Variants in CSMD1 observed in about 807,000 individuals in gnomAD.
CSMD1 encodes CUB and sushi domain-containing protein 1.
CSMD1 carries 213 observed loss-of-function variants against 417.5 expected under a neutral mutation model. The ratio of observed to expected loss-of-function variants is 0.51; its 90% confidence interval spans 0.46 to 0.57. CSMD1 has a LOEUF of 0.57. Among genes scored for constraint, CSMD1 ranks in the 20% least tolerant of loss-of-function variants. The pLI, the probability that CSMD1 is intolerant of heterozygous loss-of-function variation, is 0.00. For synonymous variants in CSMD1, 2,862 were observed against 1,736.8 expected, an observed-to-expected ratio of 1.65 and a Z score of -16.11; for missense variants, 6,923 against 4,529.7, an observed-to-expected ratio of 1.53 and a Z score of -15.17.
At position 4,419,946 on chromosome 8, in the gene CSMD1, C is replaced by A; in HGVS notation, c.415+7G>T. On this transcript the variant is annotated splice_region_variant and intron_variant, in intron 3 of 69. Transcript: ENST00000635120. ...AATGCATGTGCAAAACACAACCAAT[C>A]TCCTACCTTCATATAATGCTTTGAA... 6.5e-7 allele frequency: 1 copy of A among 1,545,206 alleles called. No individual in the cohort carries two copies. The highest frequency in any genetic ancestry group is 1.4e-5 in the African/African-American group (1 of 73,546).
chr8:4,198,623 A>T (rs779117), intron 3 of CSMD1, among the ~76,000 whole-genome samples: 1 of 152,142 alleles, frequency 6.6e-6, no homozygotes, highest in Non-Finnish European at 1.5e-5. Context: ...AAGCATATAG[A>T]TCGATGGATA....
chr8:3,037,272 C>G (rs1810749357), intron 50 of CSMD1, among the ~76,000 whole-genome samples: 1 of 150,100 alleles, frequency 6.7e-6, no homozygotes, highest in African/African-American at 2.4e-5. Context: ...GTGGCGGGAT[C>G]TCGGCTCACT....
At chr8:4,602,824 T>C (rs985811844) in intron 2 of CSMD1, among the ~76,000 whole-genome samples, 1 of 152,094 alleles carries the variant, frequency 6.6e-6, no homozygotes, top group Non-Finnish European at 1.5e-5. Context: ...GTAAGCTGAC[T>C]TTATCCTGTA....
intron 2 of CSMD1, among the ~76,000 whole-genome samples, chr8:4,425,533 A>T (rs142595681): frequency 7.9e-5 from 12 of 152,238 alleles, no homozygotes; most frequent in Admixed American, 1.3e-4. Context: ...AAGGAATCTT[A>T]TAAGGAGCTG....
At chr8:4,194,562 A>T (rs1799220322) in intron 3 of CSMD1, among the ~76,000 whole-genome samples, 1 of 152,190 alleles carries the variant, frequency 6.6e-6, no homozygotes, top group South Asian at 2.1e-4. Flanking sequence ...AACAGCAAAT[A>T]AAAAGTACGC....
At chr8:3,609,236 A>T (rs992042695) in intron 8 of CSMD1, among the ~76,000 whole-genome samples, 2 of 152,208 alleles carry the variant, frequency 1.3e-5, no homozygotes, top group African/African-American at 4.8e-5. Flanking sequence ...GTTAGCACAG[A>T]AAGACAGATG....
At chr8:4,001,610 C>G (rs761909112) in intron 4 of CSMD1, among the ~76,000 whole-genome samples, 1 of 152,140 alleles carries the variant, frequency 6.6e-6, no homozygotes, top group Non-Finnish European at 1.5e-5. Context: ...CAATGTTATG[C>G]CCCTGTCTAA....
At chr8:3,292,334 C>A (rs925362390) in intron 25 of CSMD1, among the ~76,000 whole-genome samples, 1 of 152,058 alleles carries the variant, frequency 6.6e-6, no homozygotes, top group African/African-American at 2.4e-5. Flanking sequence ...CTGTAGATGT[C>A]TATTAGGTCC....
chr8:3,871,455 C>G (rs1805475529), intron 5 of CSMD1, among the ~76,000 whole-genome samples: 1 of 151,936 alleles, frequency 6.6e-6, no homozygotes, highest in Non-Finnish European at 1.5e-5. Flanking sequence ...TTGCATTATT[C>G]TAAATTACTA....
intron 51 of CSMD1, among the ~76,000 whole-genome samples, chr8:3,022,707 A>C (rs1009989596): frequency 6.6e-6 from 1 of 151,578 alleles, no homozygotes; most frequent in Non-Finnish European, 1.5e-5. Context: ...CTAAATGAAC[A>C]TGCAGACCTC....
chr8:4,009,631 A>C (rs1816391110), intron 4 of CSMD1, among the ~76,000 whole-genome samples: 1 of 152,184 alleles, frequency 6.6e-6, no homozygotes, highest in Admixed American at 6.5e-5. Flanking sequence ...GGAAAGAAAT[A>C]AGAAATACAC....
At chr8:2,957,348 T>C (rs987212314) in intron 63 of CSMD1, among the ~76,000 whole-genome samples, 1 of 152,220 alleles carries the variant, frequency 6.6e-6, no homozygotes, top group Non-Finnish European at 1.5e-5. Context: ...ATGTTCAATA[T>C]AACATTATGC....
chr8:3,065,620 G>A (rs942115580), intron 49 of CSMD1, among the ~76,000 whole-genome samples: 8 of 152,166 alleles, frequency 5.3e-5, no homozygotes, highest in African/African-American at 1.9e-4. Flanking sequence ...ATAGGAAGAT[G>A]ATAGGAAGAT....
At chr8:3,720,333 G>C (rs1384249663) in intron 6 of CSMD1, among the ~76,000 whole-genome samples, 2 of 152,134 alleles carry the variant, frequency 1.3e-5, no homozygotes, top group Non-Finnish European at 2.9e-5. Flanking sequence ...GAAGCTACTG[G>C]AAAGTGACTT....
intron 2 of CSMD1, among the ~76,000 whole-genome samples, chr8:4,459,381 A>G (rs1468435318): frequency 6.6e-6 from 1 of 152,238 alleles, no homozygotes; most frequent in African/African-American, 2.4e-5. Flanking sequence ...TCATGAAACA[A>G]GAATGTCAGT....
At chr8:4,087,568 A>G (rs1800484559) in intron 3 of CSMD1, among the ~76,000 whole-genome samples, 1 of 152,048 alleles carries the variant, frequency 6.6e-6, no homozygotes, top group African/African-American at 2.4e-5. Flanking sequence ...CTGTCCTTAT[A>G]CACTTGATTT....
At chr8:4,688,745 C>G (rs1312342919) in intron 1 of CSMD1, among the ~76,000 whole-genome samples, 1 of 152,086 alleles carries the variant, frequency 6.6e-6, no homozygotes, top group Non-Finnish European at 1.5e-5. Flanking sequence ...TGCAGTGAGT[C>G]AATTACAGCA....
chr8:4,007,661 A>T (rs952022998), intron 4 of CSMD1, among the ~76,000 whole-genome samples: 2 of 151,748 alleles, frequency 1.3e-5, no homozygotes, highest in African/African-American at 2.4e-5. Context: ...GGCCTGATAG[A>T]AGTATTCTTT....
intron 1 of CSMD1, among the ~76,000 whole-genome samples, chr8:4,839,403 A>G (rs913701999): frequency 1.3e-5 from 2 of 152,216 alleles, no homozygotes; most frequent in Non-Finnish European, 2.9e-5. Flanking sequence ...TTAGCTCAAC[A>G]CTTTACACAT....
Sources: allele counts gnomAD v4.1 joint callset (sites outside exome capture counted in the v4.1 genomes callset), GRCh38; gene constraint gnomAD v4.1.1; transcripts MANE v1.5; gene names NCBI Gene and HGNC (gene_info 2026-07-23, HGNC 2026-07-21).